The following TCHP variants were observed in gnomAD, a reference collection of about 807,000 sequenced individuals.
TCHP encodes trichoplein keratin filament-binding protein.
In TCHP, 81 loss-of-function variants were observed where a neutral mutation model predicts 88.7. The observed-to-expected ratio is 0.91, with a 90% confidence interval of 0.76 to 1.10. The LOEUF (loss-of-function observed/expected upper bound fraction) is 1.10. TCHP is among the 50% of genes least tolerant of loss of function. The pLI is 0.00. For synonymous variants in TCHP, 232 were observed against 232.5 expected (o/e 1.00, Z 0.02); for missense variants, 641 against 632.1 (o/e 1.01, Z -0.15).
chr12:109,904,951 C>T (rs1031704887), intron 4 of TCHP, 158 bp downstream of exon 4: 17 of 625,906 alleles, frequency 2.7e-5, no homozygotes, highest in South Asian at 4.0e-5. Context: ...GCACAGGCTG[C>T]GCTGAGCGGC....
the TCHP span, chr12:109,887,766 C>G: frequency 6.6e-6 from 1 of 152,334 alleles, no homozygotes; most frequent in Non-Finnish European, 1.5e-5. Flanking sequence ...GGATCTGACA[C>G]CCACCTTTGT....
At chr12:109,893,458 C>G in the TCHP span, among the ~76,000 whole-genome samples, 9 of 152,028 alleles carry the variant, frequency 5.9e-5, no homozygotes, top group East Asian at 1.7e-3. Flanking sequence ...GGGCCCAGTC[C>G]CCAGAGAGAA....
Position 109,917,867 on chromosome 12 carries a change from G to A in TCHP, c.*1244G>A, listed in dbSNP as rs1207108351. On this transcript the variant is annotated 3_prime_UTR_variant, in exon 13 of 13. Transcript: ENST00000405876. ...AATCAGAGTTTATTAAAAATCCTGA[G>A]TCTTAAGGGCTGTCTTACCTTTCAC... 2 of 152,450 alleles carry A rather than the reference G, an allele frequency of 1.3e-5. No homozygotes were observed. The highest frequency in any genetic ancestry group is 2.9e-5 in the Non-Finnish European group (2 of 68,030). The allele number at this position is 152,450 out of a possible 1,614,324, so 9.4% of individuals were successfully genotyped here. A position where few individuals can be genotyped will look rare whatever the true frequency, so the allele number is the denominator to read the frequency against.
chr12:109,907,738 G>A, intron 6 of TCHP, 39 bp downstream of exon 6: 1 of 1,556,106 alleles, frequency 6.4e-7, no homozygotes, highest in Non-Finnish European at 8.7e-7. Context: ...CTCCTCCACA[G>A]CTGCTCGTTA....
intron 1 of TCHP, 199 bp downstream of exon 1, chr12:109,900,625 G>C (rs1489983777): frequency 2.0e-5 from 3 of 152,266 alleles, no homozygotes; most frequent in African/African-American, 2.4e-5. Context: ...CGACGTGTTC[G>C]GGGAGCAGCC....
chr12:109,907,774 GC>G lies in TCHP; in HGVS notation c.699+78del, dbSNP rs993211520. 13 of 1,490,018 alleles carry G rather than the reference GC, an allele frequency of 8.7e-6. No homozygotes were observed. The African/African-American group carries it at 1.8e-4, about 21-fold the overall frequency. 92.3% of individuals were successfully genotyped at this position (1,490,018 alleles called of 1,614,324 possible). A position where few individuals can be genotyped will look rare whatever the true frequency, so the allele number is the denominator to read the frequency against. ...GCATGAGATGGGCACTTGAGAGGCTGCCCTAAGAAGAGGCCATAGCAGGGCT... is the reference window on the plus strand; with the variant it reads ...GCATGAGATGGGCACTTGAGAGGCTGCCTAAGAAGAGGCCATAGCAGGGCT... On this transcript the variant is annotated intron_variant, in intron 6 of 12. Coordinates refer to ENST00000405876, the MANE Select transcript of TCHP (RefSeq NM_001143852.2).
rs1004003576 is a variant in TCHP, at chr12:109,905,055, T to C, written c.456+262T>C. On this transcript the variant is annotated intron_variant, in intron 4 of 12. Transcript: ENST00000405876. The surrounding 1 kb of genome is among the most constrained non-coding windows in gnomAD (Gnocchi z 4.0). ...TTAGACATGGTTTCTGCTCATTAGC[T>C]TGTGTCCAGCATGGGAGCTCATTAC... 2 of 479,506 alleles carry C rather than the reference T, an allele frequency of 4.2e-6. No homozygotes were observed. The highest frequency in any genetic ancestry group is 7.5e-6 in the Non-Finnish European group (2 of 267,776). 29.7% of individuals were successfully genotyped at this position (479,506 alleles called of 1,614,324 possible).
Position 109,915,255 on chromosome 12 carries a change from C to T in TCHP, c.1321-148C>T, listed in dbSNP as rs185522500. On this transcript the variant is annotated intron_variant, in intron 11 of 12. Transcript: ENST00000405876. Reference sequence around the variant, plus strand: ...CATACAGCCTTTCAAGTCCCGCATGCTCCCTTCCGTTCCTTGGCACGTGCA... The same window carrying T: ...CATACAGCCTTTCAAGTCCCGCATGTTCCCTTCCGTTCCTTGGCACGTGCA... 125 of 1,063,952 alleles carry T rather than the reference C, an allele frequency of 1.2e-4. No homozygotes were observed. The Admixed American group carries it at 2.3e-3, about 20-fold the overall frequency. The allele number at this position is 1,063,952 out of a possible 1,614,324, so 65.9% of individuals were successfully genotyped here.
intron 8 of TCHP, among the ~76,000 whole-genome samples, chr12:109,909,490 C>T (rs1870360221): frequency 6.6e-6 from 1 of 152,160 alleles, no homozygotes; most frequent in South Asian, 2.1e-4. Flanking sequence ...AGGTTGCATT[C>T]CTCAGCATCT....
At position 109,917,819 on chromosome 12, in the gene TCHP, G is replaced by A. The variant is rs1870898491; in HGVS notation, c.*1196G>A. On this transcript the variant is annotated 3_prime_UTR_variant, in exon 13 of 13. Transcript: ENST00000405876. ...CTCCGTAAATTACAGCTAATTACAG[G>A]GCATTGTTCCATGGTTATTAAAAAT... 1 of 152,498 alleles carries A rather than the reference G, an allele frequency of 6.6e-6. No homozygotes were observed. The allele number at this position is 152,498 out of a possible 1,614,324, so 9.4% of individuals were successfully genotyped here.
At chr12:109,899,089 G>A (rs771688985), upstream of TCHP, among the ~76,000 whole-genome samples, 4 of 152,170 alleles carry the variant, frequency 2.6e-5, no homozygotes, top group African/African-American at 4.8e-5. Flanking sequence ...AAAGTGCTGG[G>A]ATTACAGGCG....
intron 9 of TCHP, 129 bp downstream of exon 9, chr12:109,911,364 C>T (rs1209695731): frequency 9.3e-6 from 5 of 535,608 alleles, no homozygotes; most frequent in Non-Finnish European, 1.3e-5. Flanking sequence ...GTAATCCTAG[C>T]ACTTTGAGAG....
At chr12:109,899,299 C>G (rs1203712908), upstream of TCHP, among the ~76,000 whole-genome samples, 1 of 152,178 alleles carries the variant, frequency 6.6e-6, no homozygotes, top group Non-Finnish European at 1.5e-5. Flanking sequence ...ATAAAACATA[C>G]TAATAGAATG....
chr12:109,911,996 A>T (rs1301128690), intron 9 of TCHP, among the ~76,000 whole-genome samples: 1 of 151,964 alleles, frequency 6.6e-6, no homozygotes, highest in Non-Finnish European at 1.5e-5. Flanking sequence ...GGGTTTCACC[A>T]TCTTGGCCAG....
chr12:109,886,418 G>A, the TCHP span, among the ~76,000 whole-genome samples: 2 of 152,126 alleles, frequency 1.3e-5, no homozygotes, highest in Non-Finnish European at 2.9e-5. Flanking sequence ...GATTACAGGC[G>A]TAAGCCACCA....
chr12:109,910,879 C>T (rs1188701636), intron 8 of TCHP, among the ~76,000 whole-genome samples, 184 bp from the exon 9 acceptor site: 1 of 152,212 alleles, frequency 6.6e-6, no homozygotes, highest in Non-Finnish European at 1.5e-5. Flanking sequence ...CTGAACCACC[C>T]CTCGTGATTA....
chr12:109,891,866 C>T, the TCHP span, among the ~76,000 whole-genome samples: 2 of 151,974 alleles, frequency 1.3e-5, no homozygotes, highest in South Asian at 4.1e-4. Flanking sequence ...TGCACAACCA[C>T]GCTCTGCTAA....
intron 8 of TCHP, among the ~76,000 whole-genome samples, chr12:109,910,273 C>T (rs1026615051): frequency 1.3e-5 from 2 of 152,244 alleles, no homozygotes; most frequent in Non-Finnish European, 2.9e-5. Context: ...CATCCCTGCC[C>T]ACTGCGGTCA....
At chr12:109,904,679 A>G (rs1870021193) in intron 3 of TCHP, 58 bp from the exon 4 acceptor site, 5 of 1,553,934 alleles carry the variant, frequency 3.2e-6, no homozygotes, top group African/African-American at 1.4e-5. Context: ...GTGTCATCCA[A>G]AATGTGAATG....
Sources: allele counts gnomAD v4.1 joint callset (sites outside exome capture counted in the v4.1 genomes callset), GRCh38; gene constraint gnomAD v4.1.1; non-coding constraint Gnocchi (gnomAD v3.1); transcripts MANE v1.5; gene names NCBI Gene and HGNC (gene_info 2026-07-23, HGNC 2026-07-21).